The following TRERF1 variants were observed in gnomAD, a reference collection of about 807,000 sequenced individuals.
TRERF1 encodes the protein transcriptional regulating factor 1, also known as transcriptional-regulating factor 1.
TRERF1 carries 27 observed loss-of-function variants against 122.9 expected under a neutral mutation model. The ratio of observed to expected loss-of-function variants is 0.22; its 90% CI spans 0.16 to 0.30. TRERF1 has a LOEUF of 0.30. TRERF1 is among the 10% of genes least tolerant of loss of function. The pLI is 1.00. For synonymous variants in TRERF1, 636 were observed against 641.7 expected, an observed-to-expected ratio of 0.99 and a Z score of 0.13; for missense variants, 1,248 against 1,560.3, an observed-to-expected ratio of 0.80 and a Z score of 3.37.
chr6:42,390,850 A>G (rs915980506), intron 2 of TRERF1, among the ~76,000 whole-genome samples: 5 of 152,154 alleles, frequency 3.3e-5, no homozygotes, highest in African/African-American at 1.2e-4. Context: ...GGGAAAAAAC[A>G]CTTGACACCC....
intron 2 of TRERF1, among the ~76,000 whole-genome samples, chr6:42,437,945 A>C (rs1221328545): frequency 6.6e-6 from 1 of 151,936 alleles, no homozygotes; most frequent in Non-Finnish European, 1.5e-5. Flanking sequence ...TTTTTGAGAC[A>C]GAGTATTACT....
chr6:42,321,356 C>T (rs1450342387), intron 3 of TRERF1, among the ~76,000 whole-genome samples: 2 of 151,010 alleles, frequency 1.3e-5, no homozygotes, highest in African/African-American at 4.9e-5. Flanking sequence ...GAATAGAGGA[C>T]CCTGGGAGAA....
At chr6:42,407,641 A>G (rs1172653220) in intron 2 of TRERF1, among the ~76,000 whole-genome samples, 1 of 152,086 alleles carries the variant, frequency 6.6e-6, no homozygotes, top group Non-Finnish European at 1.5e-5. Context: ...ATCCAGCTCC[A>G]TGTGGAAGAC....
chr6:42,308,328 A>G (rs1234495273), intron 3 of TRERF1, among the ~76,000 whole-genome samples: 1 of 152,262 alleles, frequency 6.6e-6, no homozygotes, highest in Non-Finnish European at 1.5e-5. Context: ...ACATGGATGA[A>G]CCTCGAAAAC....
intron 4 of TRERF1, among the ~76,000 whole-genome samples, chr6:42,295,712 A>ATT (rs60109926): frequency 2.2e-4 from 34 of 151,866 alleles, no homozygotes; most frequent in African/African-American, 7.2e-4. Flanking sequence ...GACTTTATGC[A>ATT]TTTTTTTTGG....
rs1211716570 is a variant in TRERF1 at position 42,228,603 on chromosome 6, C to G, written c.3345G>C (p.Gln1115His). Residue 1115 changes from glutamine to histidine, a missense_variant, in exon 18 of 18, where the codon CAG becomes CAC. By Grantham distance (24) the Gln-to-His change is conservative (BLOSUM62 0). Around this residue, in one of 5 missense-constraint regions of TRERF1, gnomAD observed 84 missense variants for 116.0 expected, o/e 0.72. Transcript: ENST00000372922. The surrounding 1 kb of genome is among the most constrained non-coding windows in gnomAD (Gnocchi z 4.2). ...AAGCCGCCTTCTGAGCCTTTTGCCT[C>G]TGTTGTTCCTCCTGCTGCCTGTGAG... The G allele has an allele frequency of 2.5e-6, 4 of 1,614,046 alleles. No homozygotes were observed. Among genetic ancestry groups the G allele is most frequent in the Non-Finnish European group, 3.4e-6 (4 of 1,180,036 alleles).
In TRERF1 at chr6:42,338,844, G is replaced by A. The variant is rs969768804; in HGVS notation, c.-371+24153C>T. 3.3e-5 allele frequency among the ~76,000 whole-genome samples: 5 copies of A among 152,200 alleles called. No individual in the cohort carries two copies. In the East Asian group the frequency reaches 5.8e-4, roughly 18 times the overall value. ...CCACACTCAGGAACTTCTCAGGAACGTGAGCTTTTTGTGGTGGTGACTCAA... is the reference window on the plus strand; with the variant it reads ...CCACACTCAGGAACTTCTCAGGAACATGAGCTTTTTGTGGTGGTGACTCAA... On this transcript the variant is annotated intron_variant, in intron 3 of 17. Transcript: ENST00000372922.
chr6:42,390,816 A>G (rs1037274865), intron 2 of TRERF1, among the ~76,000 whole-genome samples: 11 of 152,208 alleles, frequency 7.2e-5, no homozygotes, highest in Admixed American at 6.5e-5. Flanking sequence ...AGTTAGTACC[A>G]AGTGGCTTAC....
In TRERF1 at chr6:42,238,835, T is replaced by TCACACACACACA. The variant is rs58223539; in HGVS notation, c.2860-2436_2860-2425dup. The stretch of plus-strand genomic sequence containing the variant: ...GAATGCCTGCTGAGAATCATGCATT[T>TCACACACACACA]CACACACACACACACACACACACAC... On this transcript the variant is annotated intron_variant, in intron 15 of 17. Coordinates refer to ENST00000372922, the Ensembl canonical transcript of TRERF1. 7.3e-3 allele frequency among the ~76,000 whole-genome samples: 1,042 copies of TCACACACACACA among 143,094 alleles called. 7 individuals carry two copies. Among genetic ancestry groups the TCACACACACACA allele is most frequent in the Middle Eastern group, 0.045 (13 of 286 alleles). The allele number at this position is 143,094 out of a possible 152,430, so 93.9% of individuals were successfully genotyped here.
At chr6:42,431,070 AAAAAGAAAAG>A (rs1288505865) in intron 2 of TRERF1, among the ~76,000 whole-genome samples, 27 of 151,984 alleles carry the variant, frequency 1.8e-4, no homozygotes, top group African/African-American at 6.3e-4. Context: ...AAAAAAAAAA[AAAAAGAAAAG>A]AAAAGAGAAG....
intron 10 of TRERF1, 139 bp from the exon 11 acceptor site, chr6:42,257,241 C>T (rs1776920244): frequency 3.7e-6 from 4 of 1,068,670 alleles, no homozygotes. Context: ...CAGTGTGACC[C>T]TAAGATTCCA....
chr6:42,381,340 C>A (rs913348281), intron 2 of TRERF1, among the ~76,000 whole-genome samples: 1 of 141,740 alleles, frequency 7.1e-6, no homozygotes, highest in East Asian at 2.0e-4. Flanking sequence ...GCTGGTTGAA[C>A]CAGCGCCTTG....
chr6:42,256,706 C>A, intron 12 of TRERF1, 22 bp downstream of exon 12: 1 of 1,600,686 alleles, frequency 6.2e-7, no homozygotes, highest in Non-Finnish European at 8.6e-7. Context: ...ATTTGTAAAG[C>A]CTCTTTTTCA....
intron 2 of TRERF1, among the ~76,000 whole-genome samples, chr6:42,420,103 T>C (rs1235339114): frequency 1.3e-5 from 2 of 152,226 alleles, no homozygotes; most frequent in African/African-American, 4.8e-5. Flanking sequence ...TGATTTAACC[T>C]ACCTAGGAGC....
chr6:42,426,440 T>G (rs1336094720), intron 2 of TRERF1, among the ~76,000 whole-genome samples: 1 of 152,198 alleles, frequency 6.6e-6, no homozygotes, highest in Non-Finnish European at 1.5e-5. Flanking sequence ...CTAGAACCTT[T>G]CTTCAGTAAA....
At chr6:42,360,771 T>TAAAAAA (rs55924002) in intron 3 of TRERF1, among the ~76,000 whole-genome samples, 1 of 36,414 alleles carries the variant, frequency 2.7e-5, no homozygotes, top group Non-Finnish European at 5.1e-5. Context: ...GTGGAGAGAT[T>TAAAAAA]AAAAAAAAAA....
At chr6:42,379,111 G>A (rs1183232481) in intron 2 of TRERF1, among the ~76,000 whole-genome samples, 1 of 151,978 alleles carries the variant, frequency 6.6e-6, no homozygotes, top group Admixed American at 6.6e-5. Context: ...CAGAGTGAGG[G>A]CTTGTCTCAA....
At chr6:42,303,835 G>A (rs1430245772) in intron 3 of TRERF1, among the ~76,000 whole-genome samples, 1 of 146,930 alleles carries the variant, frequency 6.8e-6, no homozygotes, top group Non-Finnish European at 1.5e-5. Context: ...TCTGGGAGGT[G>A]AAGGCTGCAG....
chr6:42,277,708 T>C (rs1781400054), intron 4 of TRERF1, among the ~76,000 whole-genome samples: 1 of 152,042 alleles, frequency 6.6e-6, no homozygotes, highest in Non-Finnish European at 1.5e-5. Flanking sequence ...CTGGGTGTAG[T>C]GGCGTGCGCC....
Sources: allele counts gnomAD v4.1 joint callset (sites outside exome capture counted in the v4.1 genomes callset), GRCh38; gene constraint gnomAD v4.1.1; regional missense constraint gnomAD v4.1.1; non-coding constraint Gnocchi (gnomAD v3.1); transcripts MANE v1.5; gene names NCBI Gene and HGNC (gene_info 2026-07-23, HGNC 2026-07-21).